The following ZNF468 variants were observed in gnomAD, a reference collection of about 807,000 sequenced individuals.
The protein encoded by ZNF468 is zinc finger protein 468.
Under a neutral mutation model 7.2 loss-of-function variants are expected in ZNF468, and 8 were observed. The observed-to-expected ratio is 1.11, with a 90% confidence interval of 0.65 to 2.01. The LOEUF is 2.01. Ranked by LOEUF, ZNF468 falls within the 30% of genes most tolerant of loss-of-function variation. ZNF468 has a pLI of 0.00. For synonymous variants in ZNF468, 218 were observed against 214.4 expected, an observed-to-expected ratio of 1.02 and a Z score of -0.15; for missense variants, 608 against 626.5, an observed-to-expected ratio of 0.97 and a Z score of 0.31.
intron 2 of ZNF468, chr19:52,854,036 T>A: frequency 6.7e-7 from 1 of 1,498,028 alleles, no homozygotes; most frequent in Non-Finnish European, 8.9e-7. Flanking sequence ...TGTCGGGGTG[T>A]GAGCCCTTCC....
In ZNF468 at chr19:52,841,968, T is replaced by C; in HGVS notation, c.326A>G (p.His109Arg). The C allele has an allele frequency of 6.2e-7, 1 of 1,614,002 alleles. No individual in the cohort carries two copies. The highest frequency in any genetic ancestry group is 1.7e-4 in the Middle Eastern group (1 of 6,058). Residue 109 changes from histidine (H) to arginine (R), a missense_variant, in exon 4 of 4, where the codon CAT (histidine) becomes CGT (arginine). Physicochemically the swap from His to Arg is conservative, Grantham distance 29. Coordinates refer to ENST00000595646, the MANE Select transcript of ZNF468 (RefSeq NM_001008801.2). ...TTTGATTTCTGTCATGGGTGCTGCA[T>C]GGCCATTTGTTTCATCTTCTTTCCA... ...FQWKEDETNGHAAPMTEIKEL... is the reference protein window; with the variant it reads ...FQWKEDETNGRAAPMTEIKEL...
intron 1 of ZNF468, 66 bp from the exon 2 acceptor site, chr19:52,854,411 A>G: frequency 1.4e-6 from 2 of 1,474,330 alleles, no homozygotes; most frequent in Non-Finnish European, 1.9e-6. Context: ...ACACAATGAC[A>G]CAAACATAGG....
At position 52,839,598 on chromosome 19, in the gene ZNF468, C is replaced by T. The variant is rs2063277093; in HGVS notation, c.*1127G>A. ...AAGGAGTGACCTTGGACTGAAGACC[C>T]TTCCACACTGATGACATTTGTAAGA... is the stretch of plus-strand genomic sequence containing the variant. On this transcript the variant is annotated 3_prime_UTR_variant, in exon 4 of 4. Coordinates refer to ENST00000595646, the MANE Select transcript of ZNF468 (RefSeq NM_001008801.2). 1 of 546,724 alleles carries T rather than the reference C, an allele frequency of 1.8e-6. No individual in the cohort carries two copies. The allele number at this position is 546,724 out of a possible 1,614,324, so 33.9% of individuals were successfully genotyped here. A position where few individuals can be genotyped will look rare whatever the true frequency, so the allele number is the denominator to read the frequency against.
Position 52,841,648 on chromosome 19 carries a change from CA to C in ZNF468, c.645del (p.Phe215LeufsTer16), listed in dbSNP as rs769364482. ...AAGGATTTGAAGCTCTGTATACATT[CA>C]AAAGATTTTTCTCTCATGTGTACTT... The part of the protein sequence containing the change: ...KWEVHMREKS[F>X]ECIQSFKSFN... On this transcript the variant is annotated frameshift_variant, in exon 4 of 4. Coordinates refer to ENST00000595646, the MANE Select transcript of ZNF468 (RefSeq NM_001008801.2). LOFTEE classifies it low-confidence loss of function (END_TRUNC). 4.3e-6 allele frequency: 7 copies of C among 1,613,984 alleles called. No individual in the cohort carries two copies. The African/African-American group carries it at 8.0e-5, about 18-fold the overall frequency.
At position 52,854,416 on chromosome 19, in the gene ZNF468, C is replaced by T. The variant is rs2063418675; in HGVS notation, c.-73-71G>A. On this transcript the variant is annotated intron_variant, in intron 1 of 3. Coordinates refer to ENST00000595646, the MANE Select transcript of ZNF468 (RefSeq NM_001008801.2). Reference sequence around the variant, plus strand: ...CCCTCCCTTAACACAATGACACAAACATAGGAGACCTCACCCTGGGAAATA... The same window carrying T: ...CCCTCCCTTAACACAATGACACAAATATAGGAGACCTCACCCTGGGAAATA... The T allele has an allele frequency of 3.5e-6, 5 of 1,429,386 alleles. No individual in the cohort carries two copies. The African/African-American group carries it at 5.6e-5, about 16-fold the overall frequency. The allele number at this position is 1,429,386 out of a possible 1,614,324, so 88.5% of individuals were successfully genotyped here.
intron 2 of ZNF468, among the ~76,000 whole-genome samples, chr19:52,851,013 C>T (rs1193469525): frequency 6.6e-6 from 1 of 151,944 alleles, no homozygotes; most frequent in East Asian, 1.9e-4. Flanking sequence ...TGACTCGTGT[C>T]TGTAATCCCA....
rs2063264415 is a variant in ZNF468, at chr19:52,838,140, A to G, written c.*2585T>C. On this transcript the variant is annotated 3_prime_UTR_variant, in exon 4 of 4. Transcript: ENST00000595646. Reference sequence around the variant, plus strand: ...ACTAGCGAACTGTATTCAAGAGGATATTAAAAGGATTGTAGATATGCAAGT... The same window carrying G: ...ACTAGCGAACTGTATTCAAGAGGATGTTAAAAGGATTGTAGATATGCAAGT... 1 of 152,190 alleles carries G rather than the reference A, an allele frequency of 6.6e-6. No homozygotes were observed. The highest frequency in any genetic ancestry group is 1.5e-5 in the Non-Finnish European group (1 of 68,030). The allele number at this position is 152,190 out of a possible 1,614,324, so 9.4% of individuals were successfully genotyped here.
chr19:52,854,052 C>T, intron 2 of ZNF468: 1 of 1,503,740 alleles, frequency 6.7e-7, no homozygotes, highest in Non-Finnish European at 8.9e-7. Context: ...CTTCCCAGGA[C>T]CTGCCCAGTG....
chr19:52,856,696 G>A (rs1025161875), intron 1 of ZNF468, among the ~76,000 whole-genome samples: 3 of 131,486 alleles, frequency 2.3e-5, no homozygotes, highest in African/African-American at 8.5e-5. Context: ...TCCCTACCTT[G>A]CTGTCCTTCA....
intron 1 of ZNF468, among the ~76,000 whole-genome samples, chr19:52,857,058 C>A (rs7257054): frequency 0.7 from 105,012 of 149,112 alleles, 37,285 homozygotes; most frequent in African/African-American, 0.78. Context: ...GCTCAGGGGA[C>A]GCGGTGACTG....
chr19:52,856,252 G>A (rs527749328), intron 1 of ZNF468, among the ~76,000 whole-genome samples: 1 of 152,178 alleles, frequency 6.6e-6, no homozygotes, highest in Admixed American at 6.5e-5. Context: ...CAGCTGAGGT[G>A]GTTCACACCT....
In ZNF468 at chr19:52,841,441, A is replaced by T. The variant is rs747277596; in HGVS notation, c.853T>A (p.Ser285Thr). The part of the protein sequence containing the change: ...ECGKTFGHNS[S>T]LFIHKALHTG... ...TGAAGCGCTTTGTGAATGAAGAGGG[A>T]TGAATTATGACCAAAGGTCTTGCCA... The change falls in exon 4 of 4, where the codon TCC becomes ACC. Residue 285 changes from serine (S) to threonine (T), a missense_variant. Coordinates refer to ENST00000595646, the MANE Select transcript of ZNF468 (RefSeq NM_001008801.2). The T allele has an allele frequency of 2.5e-6, 4 of 1,613,820 alleles. No individual in the cohort carries two copies. Among genetic ancestry groups the T allele is most frequent in the Non-Finnish European group, 3.4e-6 (4 of 1,179,932 alleles).
At chr19:52,845,818 A>G (rs1048155402) in intron 3 of ZNF468, among the ~76,000 whole-genome samples, 7 of 152,112 alleles carry the variant, frequency 4.6e-5, no homozygotes, top group African/African-American at 1.7e-4. Flanking sequence ...CAGCCTGGCC[A>G]ACAAGGAAAA....
chr19:52,840,391 TGA>T lies in ZNF468; in HGVS notation c.*332_*333del. 3 of 488,142 alleles carry T rather than the reference TGA, an allele frequency of 6.1e-6. No individual in the cohort carries two copies. Among genetic ancestry groups the T allele is most frequent in the Non-Finnish European group, 1.1e-5 (3 of 261,188 alleles). 30.2% of individuals were successfully genotyped at this position (488,142 alleles called of 1,614,324 possible). ...CTTGCCACACTCATTACACTTATAA[TGA>T]GTTTCTCTCCAGTGTGAATTCTAGT... On this transcript the variant is annotated 3_prime_UTR_variant, in exon 4 of 4. Coordinates refer to ENST00000595646, the MANE Select transcript of ZNF468 (RefSeq NM_001008801.2).
chr19:52,851,277 GAAAC>G (rs1005431926), intron 2 of ZNF468, among the ~76,000 whole-genome samples: 13 of 148,714 alleles, frequency 8.7e-5, no homozygotes, highest in East Asian at 2.1e-4. Context: ...GTCTCAAAAA[GAAAC>G]AAACAAACAA....
rs368299311 is a variant in ZNF468 at position 52,840,763 on chromosome 19, C to A, written c.1531G>T (p.Val511Leu). ...CCACTATGAAGCCTATGATGGTATA[C>A]AAGGGATGACATCTGACTGAAGGTC... ...GKTFSQMSSL[V>L]YHHRLHSGEK... Residue 511 changes from valine to leucine, a missense_variant, in exon 4 of 4, where the codon GTA (valine) becomes TTA (leucine). Coordinates refer to ENST00000595646, the MANE Select transcript of ZNF468 (RefSeq NM_001008801.2). 1 of 1,613,464 alleles carries A rather than the reference C, an allele frequency of 6.2e-7. No individual in the cohort carries two copies. The highest frequency in any genetic ancestry group is 8.5e-7 in the Non-Finnish European group (1 of 1,179,726).
intron 3 of ZNF468, among the ~76,000 whole-genome samples, chr19:52,844,308 G>A (rs773358451): frequency 1.3e-5 from 2 of 151,930 alleles, no homozygotes; most frequent in African/African-American, 2.4e-5. Flanking sequence ...TCTTTCCACC[G>A]TATTAGGACA....
intron 1 of ZNF468, among the ~76,000 whole-genome samples, chr19:52,855,685 T>A (rs2147748333): frequency 6.9e-6 from 1 of 145,860 alleles, no homozygotes; most frequent in East Asian, 1.9e-4. Flanking sequence ...TCCATTCTTC[T>A]GCTTTTTTTT....
rs2063295714 is a variant in ZNF468 at position 52,841,226 on chromosome 19, T to C, written c.1068A>G (p.Thr356=). The C allele has an allele frequency of 3.7e-6, 6 of 1,613,494 alleles. No individual in the cohort carries two copies. The highest frequency in any genetic ancestry group is 5.1e-6 in the Non-Finnish European group (6 of 1,179,902). ...TILHTGEKPY[T]CNECGKVFNR... is the part of the protein sequence containing the mutation. ...TAAAAACTTTGCCACATTCATTACA[T>C]GTGTAAGGTTTCTCTCCAGTGTGAA... Residue 356 remains threonine (T), a synonymous_variant, in exon 4 of 4, where the codon ACA becomes ACG. Coordinates refer to ENST00000595646, the MANE Select transcript of ZNF468 (RefSeq NM_001008801.2).
Sources: gnomAD v4.1 joint callset for allele counts (sites outside exome capture counted in the v4.1 genomes callset) on GRCh38, gnomAD v4.1.1 for gene constraint, MANE v1.5 for transcripts, NCBI Gene and HGNC (gene_info 2026-07-23, HGNC 2026-07-21) for gene names.